Variants in TENM3 observed in about 807,000 individuals in gnomAD.
TENM3 encodes the protein teneurin transmembrane protein 3.
A neutral mutation model predicts 255.1 loss-of-function variants in TENM3; 63 were observed. The observed-to-expected ratio is 0.25, with a 90% CI of 0.20 to 0.30. TENM3 has a LOEUF of 0.30. Ranked by LOEUF, TENM3 falls within the 10% of genes least tolerant of loss-of-function variation. TENM3 has a pLI of 1.00. For synonymous variants in TENM3, 1,306 were observed against 1,322.3 expected (o/e 0.99, Z 0.27); for missense variants, 2,929 against 3,461.1 (o/e 0.85, Z 3.86).
chr4:181,920,254 T>C, the TENM3 span, among the ~76,000 whole-genome samples: 10 of 152,074 alleles, frequency 6.6e-5, no homozygotes, highest in African/African-American at 2.4e-4. Flanking sequence ...TACCCAGTAA[T>C]GGGTTGGCTG....
intron 1 of TENM3, chr4:182,169,226 G>A (rs536644334): frequency 2.6e-5 from 12 of 467,980 alleles, no homozygotes; most frequent in South Asian, 1.6e-4. Flanking sequence ...GCAGTCTGGC[G>A]AGTCAGGTTG....
chr4:182,702,269 C>A (rs983252803), intron 12 of TENM3, among the ~76,000 whole-genome samples: 1 of 152,086 alleles, frequency 6.6e-6, no homozygotes, highest in African/African-American at 2.4e-5. Flanking sequence ...GTTGTCCCTA[C>A]CCTGGGAACA....
intron 1 of TENM3, among the ~76,000 whole-genome samples, chr4:182,246,870 A>G (rs2150094988): frequency 6.6e-6 from 1 of 152,296 alleles, no homozygotes; most frequent in African/African-American, 2.4e-5. Context: ...AAGTTCCGAT[A>G]ATCATCGCTG....
chr4:182,273,097 T>A (rs1759754607), intron 1 of TENM3, among the ~76,000 whole-genome samples: 2 of 152,076 alleles, frequency 1.3e-5, no homozygotes, highest in Non-Finnish European at 2.9e-5. Context: ...GATGATATGG[T>A]TTAATATCCT....
At chr4:182,446,663 T>C (rs2151288119) in intron 3 of TENM3, among the ~76,000 whole-genome samples, 1 of 152,082 alleles carries the variant, frequency 6.6e-6, no homozygotes, top group South Asian at 2.1e-4. Context: ...TCTCCCTATA[T>C]TGCTCAGGTT....
At chr4:182,038,878 C>A in the TENM3 span, among the ~76,000 whole-genome samples, 96 of 152,066 alleles carry the variant, frequency 6.3e-4, 1 homozygote, top group African/African-American at 2.2e-3. Flanking sequence ...GGATTATAGG[C>A]GCCCGCCACC....
chr4:182,558,497 A>G (rs1742800924), intron 3 of TENM3, among the ~76,000 whole-genome samples: 1 of 152,196 alleles, frequency 6.6e-6, no homozygotes, highest in Non-Finnish European at 1.5e-5. Context: ...AGGGGATAAA[A>G]ATGGCAAAGC....
chr4:181,916,151 T>C, the TENM3 span, among the ~76,000 whole-genome samples: 327 of 150,924 alleles, frequency 2.2e-3, 2 homozygotes, highest in Middle Eastern at 0.017. Context: ...CTTCTTCCCT[T>C]GGGAAATGCC....
At chr4:181,636,971 G>A in the TENM3 span, among the ~76,000 whole-genome samples, 1 of 152,074 alleles carries the variant, frequency 6.6e-6, no homozygotes, top group Admixed American at 6.5e-5. Flanking sequence ...ATTTCGCTTC[G>A]CTTGATGTTC....
At chr4:181,556,830 A>G in the TENM3 span, among the ~76,000 whole-genome samples, 5,751 of 152,222 alleles carry the variant, frequency 0.038, 137 homozygotes, top group Non-Finnish European at 0.061. Flanking sequence ...CTTCATTTTT[A>G]TAAGACTTTA....
intron 3 of TENM3, among the ~76,000 whole-genome samples, chr4:182,529,063 G>A (rs955021055): frequency 6.6e-6 from 1 of 152,206 alleles, no homozygotes; most frequent in Non-Finnish European, 1.5e-5. Flanking sequence ...CTATGCTTGC[G>A]ACAAACTCAC....
chr4:181,828,498 G>A, the TENM3 span, among the ~76,000 whole-genome samples: 1 of 152,206 alleles, frequency 6.6e-6, no homozygotes, highest in Admixed American at 6.5e-5. Context: ...CTGAGATTAA[G>A]GCTCAAAGAG....
chr4:181,655,276 T>C, the TENM3 span, among the ~76,000 whole-genome samples: 1 of 152,324 alleles, frequency 6.6e-6, no homozygotes, highest in East Asian at 1.9e-4. Flanking sequence ...GGAGTGAGGA[T>C]GCTCAATTTT....
the TENM3 span, among the ~76,000 whole-genome samples, chr4:181,928,006 C>CA: frequency 7.2e-5 from 11 of 152,116 alleles, no homozygotes; most frequent in African/African-American, 2.7e-4. Flanking sequence ...GACGTCCACA[C>CA]AAAAACCCCT....
chr4:181,802,014 T>C, the TENM3 span, among the ~76,000 whole-genome samples: 1 of 152,138 alleles, frequency 6.6e-6, no homozygotes, highest in Non-Finnish European at 1.5e-5. Context: ...GAAGATTCAG[T>C]TCAGTTATCC....
chr4:181,612,490 ATG>A, the TENM3 span, among the ~76,000 whole-genome samples: 62,963 of 148,166 alleles, frequency 0.42, 13,367 homozygotes, highest in Non-Finnish European at 0.48. Context: ...TTTGGTTAAG[ATG>A]TGTGTGTGTG....
intron 1 of TENM3, among the ~76,000 whole-genome samples, chr4:182,283,869 C>T (rs1760559500): frequency 6.6e-6 from 1 of 152,114 alleles, no homozygotes; most frequent in South Asian, 2.1e-4. Flanking sequence ...ACAATAAAAA[C>T]ATACTGAGGA....
the TENM3 span, among the ~76,000 whole-genome samples, chr4:181,747,981 T>C: frequency 6.6e-6 from 1 of 152,188 alleles, no homozygotes; most frequent in African/African-American, 2.4e-5. Context: ...GTCATTCTCT[T>C]GGCATGTCTC....
chr4:182,578,684 ATCTCCCTCTGACTTCTTTTCT>A, intron 3 of TENM3, among the ~76,000 whole-genome samples: 1 of 152,090 alleles, frequency 6.6e-6, no homozygotes, highest in Non-Finnish European at 1.5e-5. Flanking sequence ...ACTCAGGTTA[ATCTCCCTCTGACTTCTTTTCT>A]CATAATAAAT....
Sources: gnomAD v4.1 joint callset for allele counts (sites outside exome capture counted in the v4.1 genomes callset) on GRCh38, gnomAD v4.1.1 for gene constraint, MANE v1.5 for transcripts, NCBI Gene and HGNC (gene_info 2026-07-23, HGNC 2026-07-21) for gene names.